The following NKX1-2 variants were observed in gnomAD, a reference collection of about 807,000 sequenced individuals.
NKX1-2 encodes the protein NK1 transcription factor-related protein 2.
NKX1-2 carries 1 observed loss-of-function variant against 4.4 expected under a neutral mutation model. That is an observed-to-expected ratio of 0.23 (90% CI 0.08 to 1.08). The LOEUF (loss-of-function observed/expected upper bound fraction) is 1.08, where lower values mean the gene tolerates loss of function less well. NKX1-2 is among the 50% of genes least tolerant of loss of function. The pLI, the probability that NKX1-2 is intolerant of heterozygous loss-of-function variation, is 0.55. For missense variants in NKX1-2, 503 were observed against 464.6 expected (o/e 1.08, Z -0.76); for synonymous variants, 235 against 228.0 (o/e 1.03, Z -0.28).
rs1346583746 is a variant in NKX1-2 at position 124,447,947 on chromosome 10, C to G, written c.415G>C (p.Val139Leu). ...CCGGGGGATCCCGGGGGGGACCTCA[C>G]AGGGCCGCCCCCGCCGTCCTCGCAG... is the stretch of plus-strand genomic sequence containing the variant. Reference protein sequence around the residue: ...EPCEDGGGGPVRSPPGSPGSP... With the variant: ...EPCEDGGGGPLRSPPGSPGSP... The change falls in exon 2 of 2, where the codon GTG (valine) becomes CTG (leucine). Residue 139 changes from valine to leucine, a missense_variant. By Grantham distance (32) the Val-to-Leu change is conservative. Coordinates refer to ENST00000451024, the MANE Select transcript of NKX1-2 (RefSeq NM_001146340.3). 7.1e-7 allele frequency: 1 copy of G among 1,404,252 alleles called. No homozygotes were observed. The highest frequency in any genetic ancestry group is 1.6e-5 in the South Asian group (1 of 64,084). The allele number at this position is 1,404,252 out of a possible 1,614,324, so 87.0% of individuals were successfully genotyped here. A position where few individuals can be genotyped will look rare whatever the true frequency, so the allele number is the denominator to read the frequency against.
In NKX1-2 at chr10:124,447,267, A is replaced by T; in HGVS notation, c.*162T>A. The T allele has an allele frequency of 2.4e-6, 1 of 418,512 alleles. No homozygotes were observed. Among genetic ancestry groups the T allele is most frequent in the Non-Finnish European group, 4.1e-6 (1 of 246,436 alleles). The allele number at this position is 418,512 out of a possible 1,614,324, so 25.9% of individuals were successfully genotyped here. ...GTCCCCGGACACTTTGAAGGACGGC[A>T]GATCCCTGACCCCTTGGTGGCCCGC... On this transcript the variant is annotated 3_prime_UTR_variant, in exon 2 of 2. Transcript: ENST00000451024.
In NKX1-2 at chr10:124,447,905, G is replaced by T; in HGVS notation, c.457C>A (p.Arg153Ser). 7.1e-7 allele frequency: 1 copy of T among 1,411,088 alleles called. No homozygotes were observed. Among genetic ancestry groups the T allele is most frequent in the East Asian group, 3.1e-5 (1 of 32,502 alleles). 87.4% of individuals were successfully genotyped at this position (1,411,088 alleles called of 1,614,324 possible). A position where few individuals can be genotyped will look rare whatever the true frequency, so the allele number is the denominator to read the frequency against. Residue 153 changes from arginine to serine, a missense_variant, in exon 2 of 2, where the codon CGC becomes AGC. Arg to Ser is a moderately radical substitution (Grantham distance 110, BLOSUM62 -1). Transcript: ENST00000451024. ...PGSPGSPRPR[R>S]RRLEPNCAKP... ...GCGCAGTTGGGCTCCAGGCGCCGGC[G>T]CCTGGGACGCGGGGAGCCGGGGGAT...
Position 124,448,344 on chromosome 10 carries a change from T to A in NKX1-2, c.215-197A>T. Reference sequence around the variant, plus strand: ...ATGGTGTCCTCTTGCCCTTTACAAATCTGCCATCAAGTAGGCGTCCAAGAA... The same window carrying A: ...ATGGTGTCCTCTTGCCCTTTACAAAACTGCCATCAAGTAGGCGTCCAAGAA... On this transcript the variant is annotated intron_variant, in intron 1 of 1. Coordinates refer to ENST00000451024, the MANE Select transcript of NKX1-2 (RefSeq NM_001146340.3). The surrounding 1 kb of genome is among the most constrained non-coding windows in gnomAD (Gnocchi z 4.1). The A allele has an allele frequency of 1.1e-6, 1 of 875,862 alleles. No homozygotes were observed. The highest frequency in any genetic ancestry group is 1.5e-6 in the Non-Finnish European group (1 of 660,554). The allele number at this position is 875,862 out of a possible 1,614,324, so 54.3% of individuals were successfully genotyped here.
chr10:124,449,701 C>T lies in NKX1-2; in HGVS notation c.214+29G>A, dbSNP rs946132581. On this transcript the variant is annotated intron_variant, in intron 1 of 1. Transcript: ENST00000451024. This position sits in a 1 kb window ranked among gnomAD's most constrained non-coding sequence, Gnocchi z 7.5. ...CTCCGCATTGTTGGGGCTGAGGCCTCCTGGGGCCGGGGCCGCCTTGCATCT... is the reference window on the plus strand; with the variant it reads ...CTCCGCATTGTTGGGGCTGAGGCCTTCTGGGGCCGGGGCCGCCTTGCATCT... The T allele has an allele frequency of 1.0e-4, 151 of 1,516,746 alleles. 1 individual carries two copies. The highest frequency in any genetic ancestry group is 1.3e-4 in the Non-Finnish European group (148 of 1,116,684). 94.0% of individuals were successfully genotyped at this position (1,516,746 alleles called of 1,614,324 possible). A position where few individuals can be genotyped will look rare whatever the true frequency, so the allele number is the denominator to read the frequency against.
chr10:124,448,295 A>G lies in NKX1-2; in HGVS notation c.215-148T>C. The G allele has an allele frequency of 8.1e-7, 1 of 1,234,394 alleles. No homozygotes were observed. The allele number at this position is 1,234,394 out of a possible 1,614,324, so 76.5% of individuals were successfully genotyped here. ...GCGCTCCCCTTAGGCCGGACTACAC[A>G]TCCTCGCCAGCGGGTTTAGGGGAAT... On this transcript the variant is annotated intron_variant, in intron 1 of 1. Transcript: ENST00000451024. This position sits in a 1 kb window ranked among gnomAD's most constrained non-coding sequence, Gnocchi z 4.1.
rs545041436 is a variant in NKX1-2, at chr10:124,447,527, C to A, written c.835G>T (p.Ala279Ser). 2.4e-5 allele frequency: 31 copies of A among 1,273,674 alleles called. No homozygotes were observed. The highest frequency in any genetic ancestry group is 3.0e-5 in the Non-Finnish European group (30 of 1,006,248). 78.9% of individuals were successfully genotyped at this position (1,273,674 alleles called of 1,614,324 possible). The change falls in exon 2 of 2, where the codon GCC becomes TCC. Residue 279 changes from alanine (A) to serine (S), a missense_variant. By Grantham distance (99) the Ala-to-Ser change is moderately conservative. Transcript: ENST00000451024. ...GCAGCCGTCAGCGGGAAGGAGGCGG[C>A]GGACGGGAAGAGGACATTGGCCGCG... ...YSAANVLFPSAASFPLTAAAP... is the reference protein window; with the variant it reads ...YSAANVLFPSSASFPLTAAAP...
Position 124,447,354 on chromosome 10 carries a change from G to C in NKX1-2, c.*75C>G. ...TGACACCCGCGCACCTGCACCCCCG[G>C]TGGAGGAGCCGAGGGCACACGACGA... On this transcript the variant is annotated 3_prime_UTR_variant, in exon 2 of 2. Transcript: ENST00000451024. 2.7e-6 allele frequency: 3 copies of C among 1,129,974 alleles called. No homozygotes were observed. Among genetic ancestry groups the C allele is most frequent in the Non-Finnish European group, 3.4e-6 (3 of 880,512 alleles). The allele number at this position is 1,129,974 out of a possible 1,614,324, so 70.0% of individuals were successfully genotyped here. A position where few individuals can be genotyped will look rare whatever the true frequency, so the allele number is the denominator to read the frequency against.
chr10:124,445,857 T>C lies in NKX1-2; in HGVS notation c.*1572A>G, dbSNP rs948441681. On this transcript the variant is annotated 3_prime_UTR_variant, in exon 2 of 2. Coordinates refer to ENST00000451024, the MANE Select transcript of NKX1-2 (RefSeq NM_001146340.3). ...CACTTAATTTAGGAGAAATGGGGAA[T>C]ATTTTCTATCATTCCTGATAACAGA... 1.3e-5 allele frequency: 2 copies of C among 152,240 alleles called. No homozygotes were observed. The highest frequency in any genetic ancestry group is 1.3e-4 in the Admixed American group (2 of 15,282). 9.4% of individuals were successfully genotyped at this position (152,240 alleles called of 1,614,324 possible).
chr10:124,448,111 A>G lies in NKX1-2; in HGVS notation c.251T>C (p.Leu84Pro). ...AGPGAGQASP[L>P]EGSEAEEEED... ...CTCCTCTTCCGCCTCGGAACCCTCC[A>G]GGGGGGACGCCTGGCCGGCGCCTGG... is the stretch of plus-strand genomic sequence containing the variant. The change falls in exon 2 of 2, where the codon CTG becomes CCG. Residue 84 changes from leucine (L) to proline (P), a missense_variant. Transcript: ENST00000451024. The surrounding 1 kb of genome is among the most constrained non-coding windows in gnomAD (Gnocchi z 4.1). 3 of 1,510,472 alleles carry G rather than the reference A, an allele frequency of 2.0e-6. No individual in the cohort carries two copies. Among genetic ancestry groups the G allele is most frequent in the Non-Finnish European group, 2.6e-6 (3 of 1,135,488 alleles). The allele number at this position is 1,510,472 out of a possible 1,614,324, so 93.6% of individuals were successfully genotyped here. A position where few individuals can be genotyped will look rare whatever the true frequency, so the allele number is the denominator to read the frequency against.
rs1952273252 is a variant in NKX1-2 at position 124,449,165 on chromosome 10, C to T, written c.214+565G>A. On this transcript the variant is annotated intron_variant, in intron 1 of 1. Coordinates refer to ENST00000451024, the MANE Select transcript of NKX1-2 (RefSeq NM_001146340.3). The surrounding 1 kb of genome is among the most constrained non-coding windows in gnomAD (Gnocchi z 7.5). ...TTCCCAACACTCCATCCGAGCCCCG[C>T]CCCCAGCCCAGTCCCAGTTAACAGT... Among the ~76,000 whole-genome samples, 1 of 152,214 alleles carries T rather than the reference C, an allele frequency of 6.6e-6. No homozygotes were observed. The highest frequency in any genetic ancestry group is 2.4e-5 in the African/African-American group (1 of 41,442).
chr10:124,447,557 A>G lies in NKX1-2; in HGVS notation c.805T>C (p.Tyr269His). The part of the protein sequence containing the change: ...GALHFQTFPS[Y>H]SAANVLFPSA... ...GGGAAGAGGACATTGGCCGCGGAGT[A>G]GGAGGGGAAAGTCTGGAAGTGCAGA... Residue 269 changes from tyrosine (Y) to histidine (H), a missense_variant, in exon 2 of 2, where the codon TAC becomes CAC. Coordinates refer to ENST00000451024, the MANE Select transcript of NKX1-2 (RefSeq NM_001146340.3). 7.8e-7 allele frequency: 1 copy of G among 1,274,978 alleles called. No homozygotes were observed. Among genetic ancestry groups the G allele is most frequent in the African/African-American group, 1.5e-5 (1 of 64,816 alleles). The allele number at this position is 1,274,978 out of a possible 1,614,324, so 79.0% of individuals were successfully genotyped here. A position where few individuals can be genotyped will look rare whatever the true frequency, so the allele number is the denominator to read the frequency against.
Position 124,449,878 on chromosome 10 carries a change from G to A in NKX1-2, c.66C>T (p.Val22=). 6.4e-7 allele frequency: 1 copy of A among 1,551,332 alleles called. No individual in the cohort carries two copies. Among genetic ancestry groups the A allele is most frequent in the Non-Finnish European group, 8.7e-7 (1 of 1,146,714 alleles). ...APSHHKISFS[V]LDILDPQKFT... ...ATTTCTGTGGGTCCAGGATGTCCAG[G>A]ACAGAGAAAGAAATCTTGTGGTGGG... is the stretch of plus-strand genomic sequence containing the variant. Residue 22 remains valine, a synonymous_variant, in exon 1 of 2, where the codon GTC becomes GTT. Transcript: ENST00000451024. This position sits in a 1 kb window ranked among gnomAD's most constrained non-coding sequence, Gnocchi z 7.5.
Position 124,449,973 on chromosome 10 carries a change from G to C in NKX1-2, c.-30C>G. Reference sequence around the variant, plus strand: ...GTCGCCCACGGGCCGGCGGTCGGCGGCGCGGGGTTGGGGATGGCGCCGCTC... The same window carrying C: ...GTCGCCCACGGGCCGGCGGTCGGCGCCGCGGGGTTGGGGATGGCGCCGCTC... On this transcript the variant is annotated 5_prime_UTR_variant, in exon 1 of 2. Transcript: ENST00000451024. The surrounding 1 kb of genome is among the most constrained non-coding windows in gnomAD (Gnocchi z 7.5). The C allele has an allele frequency of 1.3e-6, 2 of 1,497,132 alleles. No individual in the cohort carries two copies. Among genetic ancestry groups the C allele is most frequent in the South Asian group, 2.6e-5 (2 of 78,284 alleles). 92.7% of individuals were successfully genotyped at this position (1,497,132 alleles called of 1,614,324 possible). A position where few individuals can be genotyped will look rare whatever the true frequency, so the allele number is the denominator to read the frequency against.
At position 124,448,044 on chromosome 10, in the gene NKX1-2, C is replaced by T; in HGVS notation, c.318G>A (p.Arg106=). 1.3e-6 allele frequency: 2 copies of T among 1,518,958 alleles called. No homozygotes were observed. The highest frequency in any genetic ancestry group is 1.8e-6 in the Non-Finnish European group (2 of 1,138,584). The allele number at this position is 1,518,958 out of a possible 1,614,324, so 94.1% of individuals were successfully genotyped here. Residue 106 remains arginine, a synonymous_variant, in exon 2 of 2, where the codon CGG becomes CGA. Transcript: ENST00000451024. The surrounding 1 kb of genome is among the most constrained non-coding windows in gnomAD (Gnocchi z 4.1). ...EDPRRPRLRE[R]AARLLPGLAR... Reference sequence around the variant, plus strand: ...CTAGGCCCGGCAGCAAGCGCGCAGCCCGCTCCCGCAGCCGCGGCCTCCTCG... The same window carrying T: ...CTAGGCCCGGCAGCAAGCGCGCAGCTCGCTCCCGCAGCCGCGGCCTCCTCG...
In NKX1-2 at chr10:124,446,801, G is replaced by A. The variant is rs1409643875; in HGVS notation, c.*628C>T. ...TACCCCCTCTCTCAGGAATAGCCTG[G>A]GGAGGTTATTTGGAACAAGTATTGT... On this transcript the variant is annotated 3_prime_UTR_variant, in exon 2 of 2. Coordinates refer to ENST00000451024, the MANE Select transcript of NKX1-2 (RefSeq NM_001146340.3). 6.6e-6 allele frequency: 1 copy of A among 152,138 alleles called. No individual in the cohort carries two copies. Among genetic ancestry groups the A allele is most frequent in the East Asian group, 1.9e-4 (1 of 5,198 alleles). 9.4% of individuals were successfully genotyped at this position (152,138 alleles called of 1,614,324 possible).
In NKX1-2 at chr10:124,448,922, CTT is replaced by C. The variant is rs1952270990; in HGVS notation, c.215-777_215-776del. On this transcript the variant is annotated intron_variant, in intron 1 of 1. Coordinates refer to ENST00000451024, the MANE Select transcript of NKX1-2 (RefSeq NM_001146340.3). The surrounding 1 kb of genome is among the most constrained non-coding windows in gnomAD (Gnocchi z 4.1). ...CGGGCCCCAGGCAATCACCGCCAAA[CTT>C]GGGGAGGGGAGCAGGGGGCTGCGCG... Among the ~76,000 whole-genome samples, 1 of 152,190 alleles carries C rather than the reference CTT, an allele frequency of 6.6e-6. No homozygotes were observed. Among genetic ancestry groups the C allele is most frequent in the Non-Finnish European group, 1.5e-5 (1 of 68,024 alleles).
rs185121196 is a variant in NKX1-2, at chr10:124,447,404, A to G, written c.*25T>C. On this transcript the variant is annotated 3_prime_UTR_variant, in exon 2 of 2. Coordinates refer to ENST00000451024, the MANE Select transcript of NKX1-2 (RefSeq NM_001146340.3). Reference sequence around the variant, plus strand: ...ATGCCAATCCCTCGTGAATCCCGCGAAAGAGGGGCCAGGGGGCTCCGGATT... The same window carrying G: ...ATGCCAATCCCTCGTGAATCCCGCGGAAGAGGGGCCAGGGGGCTCCGGATT... 4.9e-4 allele frequency: 607 copies of G among 1,240,062 alleles called. 1 individual carries two copies. In the African/African-American group the frequency reaches 8.0e-3, roughly 16 times the overall value. The allele number at this position is 1,240,062 out of a possible 1,614,324, so 76.8% of individuals were successfully genotyped here. A position where few individuals can be genotyped will look rare whatever the true frequency, so the allele number is the denominator to read the frequency against.
chr10:124,447,869 G>C lies in NKX1-2; in HGVS notation c.493C>G (p.Arg165Gly), dbSNP rs1952258547. The C allele has an allele frequency of 6.9e-7, 1 of 1,447,434 alleles. No individual in the cohort carries two copies. Among genetic ancestry groups the C allele is most frequent in the Non-Finnish European group, 9.2e-7 (1 of 1,091,812 alleles). The allele number at this position is 1,447,434 out of a possible 1,614,324, so 89.7% of individuals were successfully genotyped here. A position where few individuals can be genotyped will look rare whatever the true frequency, so the allele number is the denominator to read the frequency against. Residue 165 changes from arginine to glycine, a missense_variant, in exon 2 of 2, where the codon CGC becomes GGC. By Grantham distance (125) the Arg-to-Gly change is moderately radical (BLOSUM62 -2). Coordinates refer to ENST00000451024, the MANE Select transcript of NKX1-2 (RefSeq NM_001146340.3). ...TCGTAGGTGAAGGCGGTGCGCGCGC[G>C]CCGCGGCTTGGCGCAGTTGGGCTCC... ...RLEPNCAKPR[R>G]ARTAFTYEQL...
At position 124,448,456 on chromosome 10, in the gene NKX1-2, T is replaced by C; in HGVS notation, c.215-309A>G. The C allele has an allele frequency of 3.7e-6, 1 of 271,774 alleles. No homozygotes were observed. The highest frequency in any genetic ancestry group is 2.2e-5 in the African/African-American group (1 of 45,640). The allele number at this position is 271,774 out of a possible 1,614,324, so 16.8% of individuals were successfully genotyped here. On this transcript the variant is annotated intron_variant, in intron 1 of 1. Coordinates refer to ENST00000451024, the MANE Select transcript of NKX1-2 (RefSeq NM_001146340.3). This position sits in a 1 kb window ranked among gnomAD's most constrained non-coding sequence, Gnocchi z 4.1. The stretch of plus-strand genomic sequence containing the variant: ...ACCATACTGGGGGGTAGGATCATTG[T>C]ATTAAGACATCTAGATGTCAAACGC...
Sources: gnomAD v4.1 joint callset for allele counts (sites outside exome capture counted in the v4.1 genomes callset) on GRCh38, gnomAD v4.1.1 for gene constraint, Gnocchi (gnomAD v3.1) non-coding constraint, MANE v1.5 for transcripts, NCBI Gene and HGNC (gene_info 2026-07-23, HGNC 2026-07-21) for gene names.